TENM2: variants seen among roughly 807,000 people sequenced by gnomAD.
TENM2 encodes the protein teneurin transmembrane protein 2.
In TENM2, 52 loss-of-function variants were observed where a neutral mutation model predicts 245.2. That is an observed-to-expected ratio of 0.21 (90% CI 0.17 to 0.27). The LOEUF (loss-of-function observed/expected upper bound fraction) is 0.27. Among genes scored for constraint, TENM2 ranks in the 10% least tolerant of loss-of-function variants. TENM2 has a pLI of 1.00. For missense variants in TENM2, 3,046 were observed against 3,666.8 expected (o/e 0.83, Z 4.37); for synonymous variants, 1,363 against 1,438.9 (o/e 0.95, Z 1.19).
intron 2 of TENM2, among the ~76,000 whole-genome samples, chr5:167,518,750 A>T (rs1770562759): frequency 6.6e-6 from 1 of 152,248 alleles, no homozygotes; most frequent in South Asian, 2.1e-4. Flanking sequence ...CTAGGCTAGA[A>T]TTTTTATGAC....
At chr5:167,578,415 A>G (rs1167693942) in intron 2 of TENM2, among the ~76,000 whole-genome samples, 1 of 152,164 alleles carries the variant, frequency 6.6e-6, no homozygotes, top group African/African-American at 2.4e-5. Context: ...GCTACGAGAA[A>G]CACCTTCGTA....
At chr5:168,033,971 G>A (rs1033640975) in intron 5 of TENM2, among the ~76,000 whole-genome samples, 1 of 151,436 alleles carries the variant, frequency 6.6e-6, no homozygotes, top group African/African-American at 2.4e-5. Flanking sequence ...AGCTTACAGT[G>A]AGCCAAGATC....
intron 13 of TENM2, among the ~76,000 whole-genome samples, chr5:168,176,793 A>G (rs1389113730): frequency 2.0e-5 from 3 of 152,252 alleles, no homozygotes; most frequent in Non-Finnish European, 4.4e-5. Context: ...CTTTTATTCA[A>G]TAGATGATTG....
intron 2 of TENM2, among the ~76,000 whole-genome samples, chr5:167,708,943 A>G (rs1295913380): frequency 6.6e-6 from 1 of 152,182 alleles, no homozygotes; most frequent in Admixed American, 6.5e-5. Context: ...AAGTCTCCCC[A>G]AAGCATTCTT....
At chr5:167,738,355 C>T (rs1013570733) in intron 2 of TENM2, among the ~76,000 whole-genome samples, 2 of 152,194 alleles carry the variant, frequency 1.3e-5, no homozygotes, top group Admixed American at 6.5e-5. Context: ...GATATCCTCT[C>T]ACCTCCTGGA....
chr5:167,961,008 C>T (rs1347724679), intron 4 of TENM2, among the ~76,000 whole-genome samples: 2 of 152,228 alleles, frequency 1.3e-5, no homozygotes, highest in Admixed American at 6.5e-5. Context: ...CCTGCTTCAG[C>T]TTGCCCTCTG....
intron 2 of TENM2, among the ~76,000 whole-genome samples, chr5:167,805,289 G>A (rs1766074662): frequency 6.6e-6 from 1 of 152,132 alleles, no homozygotes; most frequent in Admixed American, 6.6e-5. Context: ...AGTTGGTGAA[G>A]TACAACAATC....
chr5:167,128,011 C>A, the TENM2 span, among the ~76,000 whole-genome samples: 1 of 152,116 alleles, frequency 6.6e-6, no homozygotes, highest in African/African-American at 2.4e-5. Context: ...GGTATTTCAG[C>A]AAAGCAGTAA....
the TENM2 span, among the ~76,000 whole-genome samples, chr5:167,123,313 G>A: frequency 1.3e-5 from 2 of 152,106 alleles, no homozygotes; most frequent in Non-Finnish European, 2.9e-5. Flanking sequence ...GAGCAATAGA[G>A]CAAGACTCTG....
intron 2 of TENM2, among the ~76,000 whole-genome samples, chr5:167,515,275 G>A (rs904753851): frequency 1.3e-5 from 2 of 152,074 alleles, no homozygotes; most frequent in African/African-American, 4.8e-5. Flanking sequence ...AAGTTACAAT[G>A]TTTCTACTGT....
At chr5:167,908,434 C>T (rs538981112) in intron 3 of TENM2, among the ~76,000 whole-genome samples, 6 of 93,718 alleles carry the variant, frequency 6.4e-5, no homozygotes, top group Non-Finnish European at 1.3e-4. Context: ...CTCTCTCCTC[C>T]TCTCCCCTTC....
chr5:167,328,211 T>TG (rs1385262043), intron 1 of TENM2, among the ~76,000 whole-genome samples: 2 of 147,598 alleles, frequency 1.4e-5, no homozygotes, highest in African/African-American at 5.1e-5. Flanking sequence ...ATCGTTTTTT[T>TG]TTTTTTTTTT....
chr5:167,355,689 G>A (rs1759263048), intron 1 of TENM2, among the ~76,000 whole-genome samples: 1 of 152,084 alleles, frequency 6.6e-6, no homozygotes, highest in South Asian at 2.1e-4. Flanking sequence ...AGCTCACAAA[G>A]TGCCAGATAG....
intron 12 of TENM2, among the ~76,000 whole-genome samples, chr5:168,157,207 T>C (rs1757262641): frequency 6.6e-6 from 1 of 152,138 alleles, no homozygotes. Flanking sequence ...GAAGGATGTA[T>C]TGAAGTTAGG....
At chr5:167,567,079 T>C (rs1165504176) in intron 2 of TENM2, among the ~76,000 whole-genome samples, 1 of 152,182 alleles carries the variant, frequency 6.6e-6, no homozygotes, top group Admixed American at 6.5e-5. Context: ...TTCAGAAAAC[T>C]ATTTATATCA....
At chr5:167,620,571 T>C (rs1028755234) in intron 2 of TENM2, among the ~76,000 whole-genome samples, 105 of 138,068 alleles carry the variant, frequency 7.6e-4, no homozygotes, top group African/African-American at 3.0e-3. Flanking sequence ...TTTTTTTTTT[T>C]CAAGAACTGA....
chr5:167,836,061 A>G (rs769136771), intron 2 of TENM2, among the ~76,000 whole-genome samples: 3 of 152,160 alleles, frequency 2.0e-5, no homozygotes, highest in Non-Finnish European at 4.4e-5. Context: ...CTGGTGGGGG[A>G]GAAGGAAGAA....
At chr5:167,588,187 A>G (rs1775633076) in intron 2 of TENM2, among the ~76,000 whole-genome samples, 2 of 152,252 alleles carry the variant, frequency 1.3e-5, no homozygotes, top group African/African-American at 4.8e-5. Flanking sequence ...GCAAATGTCC[A>G]CTGGATAACG....
chr5:167,441,307 A>G (rs147016673), intron 2 of TENM2, among the ~76,000 whole-genome samples: 2 of 152,322 alleles, frequency 1.3e-5, no homozygotes, highest in Non-Finnish European at 2.9e-5. Flanking sequence ...TGATATTCCA[A>G]GGAAATTTAG....
Sources: allele counts gnomAD v4.1 joint callset (sites outside exome capture counted in the v4.1 genomes callset), GRCh38; gene constraint gnomAD v4.1.1; transcripts MANE v1.5; gene names NCBI Gene and HGNC (gene_info 2026-07-23, HGNC 2026-07-21).